Variants in RYR3 observed in about 807,000 individuals in gnomAD.
RYR3 encodes brain ryanodine receptor-calcium release channel.
Under a neutral mutation model 584.3 loss-of-function variants are expected in RYR3, and 207 were observed. The ratio of observed to expected loss-of-function variants is 0.35; its 90% confidence interval spans 0.32 to 0.40. RYR3 has a LOEUF of 0.40. Among genes scored for constraint, RYR3 ranks in the 10% least tolerant of loss-of-function variants. RYR3 has a pLI of 1.00. For missense variants in RYR3, 5,616 were observed against 6,089.2 expected, an observed-to-expected ratio of 0.92 and a Z score of 2.59; for synonymous variants, 2,416 against 2,248.5, an observed-to-expected ratio of 1.07 and a Z score of -2.11.
At chr15:33,526,846 A>G (rs2054433093) in intron 3 of RYR3, among the ~76,000 whole-genome samples, 1 of 152,214 alleles carries the variant, frequency 6.6e-6, no homozygotes, top group South Asian at 2.1e-4. Flanking sequence ...GAAGATAATA[A>G]AGCAGAAAAT....
intron 1 of RYR3, among the ~76,000 whole-genome samples, chr15:33,383,099 G>A (rs1257858626): frequency 6.6e-6 from 1 of 151,938 alleles, no homozygotes; most frequent in African/African-American, 2.4e-5. Context: ...GCCTCATGGA[G>A]GCAGGGAGAC....
chr15:33,726,206 C>A (rs1333576791), intron 45 of RYR3, among the ~76,000 whole-genome samples, 180 bp from the exon 46 acceptor site: 1 of 152,118 alleles, frequency 6.6e-6, no homozygotes, highest in Non-Finnish European at 1.5e-5. Flanking sequence ...TAGCACTCTT[C>A]TGGAAAATCA....
chr15:33,342,532 C>T (rs1755957259), intron 1 of RYR3, among the ~76,000 whole-genome samples: 1 of 152,106 alleles, frequency 6.6e-6, no homozygotes, highest in African/African-American at 2.4e-5. Flanking sequence ...TTTCCATAAC[C>T]TGCAGTAGTT....
intron 53 of RYR3, among the ~76,000 whole-genome samples, 199 bp from the exon 54 acceptor site, chr15:33,747,915 C>T (rs572944433): frequency 1.7e-3 from 266 of 152,210 alleles, no homozygotes; most frequent in African/African-American, 6.1e-3. Context: ...CAGGAAAGAC[C>T]GTAGGGTCTT....
chr15:33,740,398 T>C (rs1454536599), intron 51 of RYR3, among the ~76,000 whole-genome samples: 1 of 152,158 alleles, frequency 6.6e-6, no homozygotes, highest in Non-Finnish European at 1.5e-5. Flanking sequence ...TAAATAACAC[T>C]CAGCTGTGTC....
intron 70 of RYR3, 123 bp downstream of exon 70, chr15:33,807,692 C>T: frequency 1.1e-6 from 1 of 931,186 alleles, no homozygotes; most frequent in Non-Finnish European, 1.7e-6. Flanking sequence ...CTGGAGGTCC[C>T]CCAGGCCTGC....
chr15:33,457,313 TATCTACA>T (rs1402335613), intron 1 of RYR3, among the ~76,000 whole-genome samples: 3 of 152,222 alleles, frequency 2.0e-5, no homozygotes, highest in Non-Finnish European at 4.4e-5. Context: ...TATGCAACAC[TATCTACA>T]ATAGCCAAGA....
chr15:33,629,281 A>G (rs2061153588), intron 21 of RYR3, among the ~76,000 whole-genome samples: 1 of 152,246 alleles, frequency 6.6e-6, no homozygotes, highest in African/African-American at 2.4e-5. Context: ...ACTGTCTAAT[A>G]CAAAGCCCCG....
At chr15:33,694,555 G>T (rs2004635) in intron 38 of RYR3, among the ~76,000 whole-genome samples, 1 of 151,954 alleles carries the variant, frequency 6.6e-6, no homozygotes, top group Admixed American at 6.5e-5. Flanking sequence ...AGATTTTTTT[G>T]AATAATATGA....
chr15:33,630,861 T>G (rs17236371), intron 22 of RYR3, among the ~76,000 whole-genome samples: 2,558 of 152,342 alleles, frequency 0.017, 38 homozygotes, highest in Non-Finnish European at 0.029. Flanking sequence ...TTCTGTAATC[T>G]TATGCTTGCT....
intron 38 of RYR3, among the ~76,000 whole-genome samples, chr15:33,686,277 C>G (rs1048391823): frequency 6.6e-6 from 1 of 152,102 alleles, no homozygotes; most frequent in Admixed American, 6.5e-5. Flanking sequence ...TACAAACTAC[C>G]ATCAGAGAAT....
At chr15:33,799,569 A>G (rs1308106182) in intron 67 of RYR3, among the ~76,000 whole-genome samples, 2 of 152,240 alleles carry the variant, frequency 1.3e-5, no homozygotes, top group Non-Finnish European at 1.5e-5. Flanking sequence ...TGCCCTATGC[A>G]TCTCTTTCAT....
At chr15:33,366,993 T>C (rs1394304588) in intron 1 of RYR3, among the ~76,000 whole-genome samples, 2 of 152,226 alleles carry the variant, frequency 1.3e-5, no homozygotes, top group African/African-American at 4.8e-5. Context: ...GATATTAGCG[T>C]GGCCAATTTA....
intron 16 of RYR3, among the ~76,000 whole-genome samples, chr15:33,596,827 AT>A (rs34711993): frequency 0.14 from 21,716 of 152,060 alleles, 1,587 homozygotes; most frequent in Middle Eastern, 0.19. Context: ...TCTAGCTGTA[AT>A]TTTGTATCAT....
intron 1 of RYR3, among the ~76,000 whole-genome samples, chr15:33,376,289 G>A (rs2040732419): frequency 1.3e-5 from 2 of 152,108 alleles, no homozygotes; most frequent in African/African-American, 4.8e-5. Context: ...GATATTGAGT[G>A]TATCAGTAGT....
chr15:33,633,427 G>A lies in RYR3; in HGVS notation c.3027+319G>A, dbSNP rs373230882. Among the ~76,000 whole-genome samples the A allele has an allele frequency of 5.6e-4, 85 of 152,338 alleles. 1 individual carries two copies. Among genetic ancestry groups the A allele is most frequent in the African/African-American group, 1.0e-3 (43 of 41,586 alleles). ...CCTTACTTCAGTCCATTGGGCCAACGATTTCTGGGCAGAGGTCTTGGCCTG... is the reference window on the plus strand; with the variant it reads ...CCTTACTTCAGTCCATTGGGCCAACAATTTCTGGGCAGAGGTCTTGGCCTG... On this transcript the variant is annotated intron_variant, in intron 24 of 103. Coordinates refer to ENST00000634891, the MANE Select transcript of RYR3 (RefSeq NM_001036.6).
chr15:33,378,335 T>C (rs1339825873), intron 1 of RYR3, among the ~76,000 whole-genome samples: 1 of 152,164 alleles, frequency 6.6e-6, no homozygotes, highest in African/African-American at 2.4e-5. Context: ...CCTCTGCCTG[T>C]CCCAGCCTCC....
intron 19 of RYR3, among the ~76,000 whole-genome samples, chr15:33,617,272 C>T (rs1331837037): frequency 1.3e-5 from 2 of 151,766 alleles, no homozygotes; most frequent in Non-Finnish European, 2.9e-5. Flanking sequence ...ATTAGCTGGG[C>T]GTGGTGGCAG....
At chr15:33,634,837 T>TACA in intron 25 of RYR3, 104 bp downstream of exon 25, 4 of 959,556 alleles carry the variant, frequency 4.2e-6, no homozygotes, top group Non-Finnish European at 6.5e-6. Flanking sequence ...TTGGAAATAG[T>TACA]ATTGGGGCTG....
Sources: gnomAD v4.1 joint callset for allele counts (sites outside exome capture counted in the v4.1 genomes callset) on GRCh38, gnomAD v4.1.1 for gene constraint, MANE v1.5 for transcripts, NCBI Gene and HGNC (gene_info 2026-07-23, HGNC 2026-07-21) for gene names.